Variants in COL10A1 observed in about 807,000 individuals in gnomAD.
The protein encoded by COL10A1 is collagen alpha-1(X) chain.
A neutral mutation model predicts 18.2 loss-of-function variants in COL10A1; 10 were observed. That is an observed-to-expected ratio of 0.55 (90% CI 0.34 to 0.93). The LOEUF is 0.93. Ranked by LOEUF, COL10A1 falls within the 40% of genes least tolerant of loss-of-function variation. The pLI is 0.02. For synonymous variants in COL10A1, 330 were observed against 316.6 expected (o/e 1.04, Z -0.45); for missense variants, 897 against 853.5 (o/e 1.05, Z -0.64).
intron 1 of COL10A1, among the ~76,000 whole-genome samples, chr6:116,153,915 G>A (rs954793421): frequency 3.3e-5 from 5 of 152,014 alleles, no homozygotes; most frequent in Non-Finnish European, 7.4e-5. Flanking sequence ...CTTACTACGT[G>A]CCAAAAGATT....
chr6:116,213,439 C>A, the COL10A1 span, among the ~76,000 whole-genome samples: 1 of 152,068 alleles, frequency 6.6e-6, no homozygotes, highest in Non-Finnish European at 1.5e-5. Flanking sequence ...GGAGTCGAAG[C>A]TGCCAGGCCA....
rs377696308 is a variant in COL10A1, at chr6:116,120,373, A to G, written c.1743T>C (p.His581=). 2.4e-5 allele frequency: 38 copies of G among 1,614,136 alleles called. No homozygotes were observed. The African/African-American group carries it at 4.5e-4, about 19-fold the overall frequency. Residue 581 remains histidine (H), a synonymous_variant, in exon 3 of 3, where the codon CAT becomes CAC. Coordinates refer to ENST00000651968, the MANE Select transcript of COL10A1 (RefSeq NM_000493.4). The part of the protein sequence containing the change: ...FDKILYNRQQ[H]YDPRTGIFTC... Reference sequence around the variant, plus strand: ...TAAAGATTCCAGTCCTTGGGTCATAATGCTGTTGCCTGTTATACAAAATTT... The same window carrying G: ...TAAAGATTCCAGTCCTTGGGTCATAGTGCTGTTGCCTGTTATACAAAATTT...
At chr6:116,168,440 T>C in the COL10A1 span, among the ~76,000 whole-genome samples, 3 of 152,206 alleles carry the variant, frequency 2.0e-5, no homozygotes, top group East Asian at 5.8e-4. Flanking sequence ...TTCCATTTAG[T>C]TCTTTTTCTA....
the COL10A1 span, among the ~76,000 whole-genome samples, chr6:116,199,154 T>C: frequency 1.3e-5 from 2 of 152,024 alleles, no homozygotes; most frequent in Non-Finnish European, 2.9e-5. Flanking sequence ...AAAGCCGTAA[T>C]GTATAAAAAT....
the COL10A1 span, among the ~76,000 whole-genome samples, chr6:116,199,787 T>A: frequency 6.6e-6 from 1 of 152,066 alleles, no homozygotes; most frequent in African/African-American, 2.4e-5. Flanking sequence ...TATGGAATTA[T>A]AACCCAGAGT....
rs138831203 is a variant in COL10A1, at chr6:116,120,081, G to T, written c.2035C>A (p.Pro679Thr). ...ATTAGCTCTGTGTGTACTCACATTG[G>T]AGCCACTAGGAATCCTGAGAAAGAG... ...HSSFSGFLVAPM is the reference protein window; with the variant it reads ...HSSFSGFLVATM Residue 679 changes from proline to threonine, a missense_variant, in exon 3 of 3, where the codon CCA (proline) becomes ACA (threonine). By Grantham distance (38) the Pro-to-Thr change is conservative. Transcript: ENST00000651968. 11 of 1,613,554 alleles carry T rather than the reference G, an allele frequency of 6.8e-6. No individual in the cohort carries two copies. Among genetic ancestry groups the T allele is most frequent in the Non-Finnish European group, 9.3e-6 (11 of 1,179,712 alleles).
the COL10A1 span, among the ~76,000 whole-genome samples, chr6:116,171,147 T>C: frequency 6.6e-6 from 1 of 152,220 alleles, no homozygotes; most frequent in African/African-American, 2.4e-5. Context: ...TAAGTGATTG[T>C]TGAATAAATG....
chr6:116,177,071 T>C, the COL10A1 span, among the ~76,000 whole-genome samples: 1 of 152,188 alleles, frequency 6.6e-6, no homozygotes, highest in Non-Finnish European at 1.5e-5. Flanking sequence ...ATTTATAGTA[T>C]AGTTTCTGTT....
chr6:116,133,274 CAT>C lies in COL10A1; in HGVS notation c.-15-7769_-15-7768del, dbSNP rs1474116762. 3.3e-5 allele frequency among the ~76,000 whole-genome samples: 5 copies of C among 152,308 alleles called. No homozygotes were observed. The East Asian group carries it at 9.7e-4, about 29-fold the overall frequency. On this transcript the variant is annotated intron_variant, in intron 1 of 1. Coordinates refer to the COL10A1 transcript ENST00000418500. ...CCCAATGGGTTCTCAACCATTCACA[CAT>C]GTTAGTTCCTACTCTGTTTACAACT...
chr6:116,171,961 T>C, the COL10A1 span, among the ~76,000 whole-genome samples: 2 of 152,206 alleles, frequency 1.3e-5, no homozygotes, highest in Non-Finnish European at 2.9e-5. Flanking sequence ...ATTTTATTGA[T>C]GGATAGCCAG....
Position 116,119,875 on chromosome 6 carries a change from C to G in COL10A1, c.*198G>C. On this transcript the variant is annotated 3_prime_UTR_variant, in exon 3 of 3. Transcript: ENST00000651968. The stretch of plus-strand genomic sequence containing the variant: ...GCCTTAAGATTGCTAACTAGAAATT[C>G]AAGAGAGGCTTCACATACGTTTTTA... 1.7e-6 allele frequency: 1 copy of G among 580,622 alleles called. No individual in the cohort carries two copies. The highest frequency in any genetic ancestry group is 1.9e-5 in the African/African-American group (1 of 53,524). The allele number at this position is 580,622 out of a possible 1,614,324, so 36.0% of individuals were successfully genotyped here. A position where few individuals can be genotyped will look rare whatever the true frequency, so the allele number is the denominator to read the frequency against.
At chr6:116,122,659 T>C (rs1779166998) in intron 2 of COL10A1, among the ~76,000 whole-genome samples, 1 of 152,222 alleles carries the variant, frequency 6.6e-6, no homozygotes, top group Non-Finnish European at 1.5e-5. Context: ...CTAAAAATCA[T>C]AGTGCCTGTG....
chr6:116,136,796 A>C (rs910669707), intron 1 of COL10A1, among the ~76,000 whole-genome samples: 22 of 152,320 alleles, frequency 1.4e-4, no homozygotes, highest in Admixed American at 2.6e-4. Flanking sequence ...GGAATCTGTT[A>C]CTCAGAACAA....
the COL10A1 span, among the ~76,000 whole-genome samples, chr6:116,216,583 A>G: frequency 3.9e-5 from 6 of 151,940 alleles, no homozygotes; most frequent in Non-Finnish European, 8.8e-5. Context: ...GAGACTTTCC[A>G]AGTATTATGT....
chr6:116,216,335 T>A, the COL10A1 span, among the ~76,000 whole-genome samples: 110 of 151,908 alleles, frequency 7.2e-4, no homozygotes, highest in East Asian at 0.018. Flanking sequence ...TTATATTTTA[T>A]ATTTTAGGTC....
intron 1 of COL10A1, among the ~76,000 whole-genome samples, chr6:116,143,567 CT>C (rs1186955615): frequency 6.6e-6 from 1 of 152,066 alleles, no homozygotes; most frequent in Non-Finnish European, 1.5e-5. Flanking sequence ...CTACTTAAAA[CT>C]TTTTTTAATC....
the COL10A1 span, among the ~76,000 whole-genome samples, chr6:116,178,086 TGTGCGCGCGCGC>T: frequency 2.6e-5 from 2 of 77,552 alleles, no homozygotes; most frequent in African/African-American, 5.9e-5. Context: ...TGTGTGTGTG[TGTGCGCGCGCGC>T]GCGCGTGCGT....
upstream of COL10A1, among the ~76,000 whole-genome samples, chr6:116,161,124 A>G: frequency 6.8e-6 from 1 of 146,828 alleles, no homozygotes; most frequent in South Asian, 2.2e-4. Context: ...TCTCACTCAT[A>G]GGTGGGAATT....
At chr6:116,184,774 C>G in the COL10A1 span, among the ~76,000 whole-genome samples, 1 of 151,978 alleles carries the variant, frequency 6.6e-6, no homozygotes, top group Non-Finnish European at 1.5e-5. Flanking sequence ...GTTCTTCTCT[C>G]TTCTTAGTTA....
Sources: gnomAD v4.1 joint callset for allele counts (sites outside exome capture counted in the v4.1 genomes callset) on GRCh38, gnomAD v4.1.1 for gene constraint, MANE v1.5 for transcripts, NCBI Gene and HGNC (gene_info 2026-07-23, HGNC 2026-07-21) for gene names.